Variants in CFDP1 observed in about 807,000 individuals in gnomAD.
The protein encoded by CFDP1 is chromatin remodeling protein CFDP1.
A neutral mutation model predicts 40.1 loss-of-function variants in CFDP1; 31 were observed. The ratio of observed to expected loss-of-function variants is 0.77; its 90% CI spans 0.58 to 1.04. CFDP1 has a LOEUF of 1.04. Ranked by LOEUF, CFDP1 falls within the 50% of genes least tolerant of loss-of-function variation. The pLI is 0.00. For missense variants in CFDP1, 423 were observed against 343.4 expected (o/e 1.23, Z -1.83); for synonymous variants, 167 against 120.0 (o/e 1.39, Z -2.56).
At chr16:75,312,202 G>C (rs1432340574) in intron 5 of CFDP1, among the ~76,000 whole-genome samples, 1 of 152,132 alleles carries the variant, frequency 6.6e-6, no homozygotes, top group African/African-American at 2.4e-5. Flanking sequence ...AAATGGACTG[G>C]AAGCCACTGA....
chr16:75,297,280 G>A (rs11646852), intron 6 of CFDP1, among the ~76,000 whole-genome samples: 79,868 of 151,508 alleles, frequency 0.53, 22,121 homozygotes, highest in Admixed American at 0.67. Context: ...TCAGCCTCCC[G>A]AAGTGCTGGG....
intron 1 of CFDP1, among the ~76,000 whole-genome samples, chr16:75,430,164 T>C (rs1294026515): frequency 9.1e-6 from 1 of 109,380 alleles, no homozygotes; most frequent in Non-Finnish European, 2.2e-5. Flanking sequence ...CCAGAGGTTT[T>C]TTTTGTTTGT....
At position 75,411,856 on chromosome 16, in the gene CFDP1, T is replaced by C; in HGVS notation, c.499A>G (p.Lys167Glu). The C allele has an allele frequency of 6.2e-7, 1 of 1,610,828 alleles. No individual in the cohort carries two copies. The highest frequency in any genetic ancestry group is 2.2e-5 in the East Asian group (1 of 44,820). ...TCTTCACCAGCAAAATCAAACACCT[T>C]GGTGATTTTAACTTTTTCTGTTTCT... ...PKETEKVKIT[K>E]VFDFAGEEVR... The change falls in exon 4 of 7, where the codon AAG becomes GAG. Residue 167 changes from lysine to glutamate, a missense_variant. Transcript: ENST00000283882.
chr16:75,404,617 T>A (rs959458120), intron 4 of CFDP1, among the ~76,000 whole-genome samples: 3 of 151,912 alleles, frequency 2.0e-5, no homozygotes, highest in African/African-American at 7.3e-5. Context: ...AGTATTTTTG[T>A]CTAACATAAT....
chr16:75,381,726 G>C (rs1050120717), intron 5 of CFDP1, among the ~76,000 whole-genome samples: 8 of 152,162 alleles, frequency 5.3e-5, no homozygotes, highest in Admixed American at 4.6e-4. Context: ...TACTGGACCA[G>C]TTGTGGAGTC....
chr16:75,418,471 C>A (rs532934806), intron 1 of CFDP1, among the ~76,000 whole-genome samples: 2 of 151,744 alleles, frequency 1.3e-5, no homozygotes, highest in South Asian at 4.2e-4. Context: ...CTATGCCTGG[C>A]TAATTTTTTT....
At chr16:75,422,337 C>T (rs1228598266) in intron 1 of CFDP1, among the ~76,000 whole-genome samples, 1 of 151,954 alleles carries the variant, frequency 6.6e-6, no homozygotes, top group African/African-American at 2.4e-5. Context: ...CCTCGTGATC[C>T]ACCTGCCTCG....
chr16:75,296,720 G>A (rs2078184890), intron 6 of CFDP1, among the ~76,000 whole-genome samples: 1 of 152,226 alleles, frequency 6.6e-6, no homozygotes, highest in South Asian at 2.1e-4. Flanking sequence ...GCCTCAGGCA[G>A]CAGTGAGGGG....
intron 5 of CFDP1, among the ~76,000 whole-genome samples, chr16:75,375,535 T>C: frequency 6.6e-6 from 1 of 152,178 alleles, no homozygotes. Flanking sequence ...CTCATGCCTG[T>C]AATCCCAGCA....
intron 4 of CFDP1, among the ~76,000 whole-genome samples, chr16:75,403,240 A>G (rs467780): frequency 0.18 from 27,308 of 152,072 alleles, 2,648 homozygotes; most frequent in East Asian, 0.39. Context: ...TTTTTTTGAG[A>G]CAGGGTCTCA....
intron 5 of CFDP1, among the ~76,000 whole-genome samples, chr16:75,349,980 G>T (rs969631648): frequency 6.6e-6 from 1 of 151,668 alleles, no homozygotes; most frequent in Admixed American, 6.6e-5. Context: ...AAAAGCATTC[G>T]GTTTTTCATG....
At chr16:75,358,476 G>A (rs1268929763) in intron 5 of CFDP1, among the ~76,000 whole-genome samples, 1 of 107,116 alleles carries the variant, frequency 9.3e-6, no homozygotes, top group East Asian at 2.8e-4. Context: ...CATAAAATGA[G>A]GTATTTATTA....
intron 5 of CFDP1, among the ~76,000 whole-genome samples, chr16:75,385,878 A>G (rs569654799): frequency 3.3e-5 from 5 of 152,332 alleles, no homozygotes; most frequent in Non-Finnish European, 5.9e-5. Context: ...ATCAATTTAT[A>G]TTATCATACT....
chr16:75,421,846 A>G (rs539124888), intron 1 of CFDP1, among the ~76,000 whole-genome samples: 1 of 152,190 alleles, frequency 6.6e-6, no homozygotes, highest in East Asian at 1.9e-4. Context: ...TGGTTCCAAG[A>G]TCTCCCCCAC....
intron 5 of CFDP1, among the ~76,000 whole-genome samples, chr16:75,366,688 A>G (rs1024807368): frequency 6.6e-6 from 1 of 152,206 alleles, no homozygotes; most frequent in African/African-American, 2.4e-5. Context: ...CTATGTAGTG[A>G]AATTTCCAGA....
chr16:75,362,277 C>T (rs1382828126), intron 5 of CFDP1, among the ~76,000 whole-genome samples: 3 of 152,188 alleles, frequency 2.0e-5, no homozygotes, highest in East Asian at 3.9e-4. Context: ...GGTGTAGCAT[C>T]CTACTTTGGG....
intron 6 of CFDP1, among the ~76,000 whole-genome samples, chr16:75,297,202 T>C (rs931748527): frequency 2.2e-5 from 2 of 92,052 alleles, no homozygotes; most frequent in African/African-American, 3.1e-5. Context: ...GTGTTTTTAG[T>C]AGAGATGGGG....
chr16:75,397,876 C>T (rs1398693243), intron 4 of CFDP1, among the ~76,000 whole-genome samples: 1 of 152,148 alleles, frequency 6.6e-6, no homozygotes, highest in Non-Finnish European at 1.5e-5. Flanking sequence ...TGATGCTGAG[C>T]TTGGATACAC....
At chr16:75,426,210 C>T (rs879898745) in intron 1 of CFDP1, among the ~76,000 whole-genome samples, 56 of 151,730 alleles carry the variant, frequency 3.7e-4, no homozygotes, top group Admixed American at 9.9e-4. Context: ...ATTAGCCAGG[C>T]GTGGTGGCAC....
Sources: allele counts gnomAD v4.1 joint callset (sites outside exome capture counted in the v4.1 genomes callset), GRCh38; gene constraint gnomAD v4.1.1; transcripts MANE v1.5; gene names NCBI Gene and HGNC (gene_info 2026-07-23, HGNC 2026-07-21).